Variants in DERA observed in about 807,000 individuals in gnomAD.
The protein encoded by DERA is 2-deoxy-D-ribose 5-phosphate aldolase.
A neutral mutation model predicts 41.1 loss-of-function variants in DERA; 15 were observed. The observed-to-expected ratio is 0.37, with a 90% CI of 0.24 to 0.56. DERA has a LOEUF of 0.56. Among genes scored for constraint, DERA ranks in the 20% least tolerant of loss-of-function variants. The pLI is 0.81. For synonymous variants in DERA, 139 were observed against 137.4 expected (o/e 1.01, Z -0.08); for missense variants, 396 against 403.4 (o/e 0.98, Z 0.16).
intron 5 of DERA, among the ~76,000 whole-genome samples, chr12:15,977,088 C>A (rs4764237): frequency 0.62 from 94,725 of 151,982 alleles, 29,893 homozygotes; most frequent in East Asian, 0.82. Flanking sequence ...TATGTTTCTG[C>A]ATTACCTTGG....
Position 15,936,094 on chromosome 12 carries a change from A to G in DERA, c.32-20842A>G, listed in dbSNP as rs1410836737. On this transcript the variant is annotated intron_variant, in intron 1 of 8. Coordinates refer to ENST00000428559, the MANE Select transcript of DERA (RefSeq NM_015954.4). This position sits in a 1 kb window ranked among gnomAD's most constrained non-coding sequence, Gnocchi z 4.6. ...TCCAAGTAGGAAGGCAAAAGCCACC[A>G]TGTGTTTTCTTACCAAATATTGAAG... is the stretch of plus-strand genomic sequence containing the variant. Among the ~76,000 whole-genome samples, 1 of 152,206 alleles carries G rather than the reference A, an allele frequency of 6.6e-6. No individual in the cohort carries two copies. The highest frequency in any genetic ancestry group is 1.5e-5 in the Non-Finnish European group (1 of 68,036).
At chr12:16,018,809 A>G (rs933840054) in intron 6 of DERA, among the ~76,000 whole-genome samples, 3 of 152,114 alleles carry the variant, frequency 2.0e-5, no homozygotes, top group Non-Finnish European at 4.4e-5. Flanking sequence ...AATACTATAA[A>G]TTTATTATTA....
Position 15,941,183 on chromosome 12 carries a change from C to T in DERA, c.32-15753C>T, listed in dbSNP as rs755168050. Among the ~76,000 whole-genome samples the T allele has an allele frequency of 1.3e-5, 2 of 152,138 alleles. No individual in the cohort carries two copies. The highest frequency in any genetic ancestry group is 2.9e-5 in the Non-Finnish European group (2 of 68,022). On this transcript the variant is annotated intron_variant, in intron 1 of 8. Coordinates refer to ENST00000428559, the MANE Select transcript of DERA (RefSeq NM_015954.4). This position sits in a 1 kb window ranked among gnomAD's most constrained non-coding sequence, Gnocchi z 4.5. ...TGATTTCCCGTACATATTTCATGTT[C>T]ACCTAATCTACAGTAGCGGCTCATT...
intron 6 of DERA, among the ~76,000 whole-genome samples, chr12:16,002,308 A>G (rs954111682): frequency 2.0e-5 from 3 of 151,594 alleles, no homozygotes; most frequent in South Asian, 2.1e-4. Context: ...TTACAAACAT[A>G]GAAAGAAATA....
At chr12:15,968,680 G>C (rs186872928) in intron 5 of DERA, among the ~76,000 whole-genome samples, 1 of 152,328 alleles carries the variant, frequency 6.6e-6, no homozygotes, top group East Asian at 1.9e-4. Context: ...ATGTAAAGTG[G>C]AGATAATGAC....
chr12:16,004,582 A>G lies in DERA; in HGVS notation c.637+22146A>G, dbSNP rs1218305237. ...AGAAAAGGACTAACCACCTTTCTAA[A>G]TGTTTAATAGTAGTCATATTAACTT... is the stretch of plus-strand genomic sequence containing the variant. On this transcript the variant is annotated intron_variant, in intron 6 of 8. Transcript: ENST00000428559. The surrounding 1 kb of genome is among the most constrained non-coding windows in gnomAD (Gnocchi z 4.2). Among the ~76,000 whole-genome samples the G allele has an allele frequency of 6.6e-6, 1 of 152,166 alleles. No individual in the cohort carries two copies. Among genetic ancestry groups the G allele is most frequent in the African/African-American group, 2.4e-5 (1 of 41,448 alleles).
chr12:16,017,324 G>A lies in DERA; in HGVS notation c.638-15218G>A, dbSNP rs910983375. On this transcript the variant is annotated intron_variant, in intron 6 of 8. Coordinates refer to ENST00000428559, the MANE Select transcript of DERA (RefSeq NM_015954.4). The surrounding 1 kb of genome is among the most constrained non-coding windows in gnomAD (Gnocchi z 5.5). ...ATTGCATTGCTAACGTGATGGACTGGACCGACAGAGAATTACTCTGTAGCT... is the reference window on the plus strand; with the variant it reads ...ATTGCATTGCTAACGTGATGGACTGAACCGACAGAGAATTACTCTGTAGCT... 2.6e-5 allele frequency among the ~76,000 whole-genome samples: 4 copies of A among 152,184 alleles called. No homozygotes were observed. The highest frequency in any genetic ancestry group is 4.4e-5 in the Non-Finnish European group (3 of 68,030).
At chr12:15,926,891 A>G (rs1197849500) in intron 1 of DERA, among the ~76,000 whole-genome samples, 1 of 152,220 alleles carries the variant, frequency 6.6e-6, no homozygotes, top group Non-Finnish European at 1.5e-5. Flanking sequence ...ATATGTAACG[A>G]ATTAACTCTC....
chr12:16,029,791 A>G (rs1949078745), intron 6 of DERA, among the ~76,000 whole-genome samples: 1 of 151,540 alleles, frequency 6.6e-6, no homozygotes, highest in Admixed American at 6.6e-5. Context: ...TCTCCCAAAT[A>G]TATTAGAAAG....
At chr12:16,023,411 T>A (rs1455039122) in intron 6 of DERA, among the ~76,000 whole-genome samples, 1 of 151,032 alleles carries the variant, frequency 6.6e-6, no homozygotes, top group Non-Finnish European at 1.5e-5. Flanking sequence ...ACCCAATATA[T>A]CATGCATAGC....
rs1240074807 is a variant in DERA, at chr12:15,931,536, A to G, written c.31+20122A>G. Among the ~76,000 whole-genome samples the G allele has an allele frequency of 6.6e-6, 1 of 152,216 alleles. No individual in the cohort carries two copies. Among genetic ancestry groups the G allele is most frequent in the Non-Finnish European group, 1.5e-5 (1 of 68,044 alleles). On this transcript the variant is annotated intron_variant, in intron 1 of 8. Coordinates refer to ENST00000428559, the MANE Select transcript of DERA (RefSeq NM_015954.4). This position sits in a 1 kb window ranked among gnomAD's most constrained non-coding sequence, Gnocchi z 4.6. ...AAACTGTCATCAGAAGTTTTCCCAG[A>G]GTACATTAAGTTGAAAAACTACATG...
chr12:15,971,421 G>T (rs1245105838), intron 5 of DERA, among the ~76,000 whole-genome samples: 1 of 151,656 alleles, frequency 6.6e-6, no homozygotes, highest in East Asian at 2.0e-4. Flanking sequence ...GGTCCATGCA[G>T]TCTTGGCAAG....
In DERA at chr12:15,982,330, G is replaced by C; in HGVS notation, c.531G>C (p.Gln177His). The C allele has an allele frequency of 1.2e-6, 2 of 1,613,484 alleles. No homozygotes were observed. The highest frequency in any genetic ancestry group is 1.7e-6 in the Non-Finnish European group (2 of 1,179,760). Reference sequence around the variant, plus strand: ...CAGCCCTGTATGATGAGATTCGTCAGTTTCGCAAGGCCTGTGGGGAGGCTC... The same window carrying C: ...CAGCCCTGTATGATGAGATTCGTCACTTTCGCAAGGCCTGTGGGGAGGCTC... ...QWEALYDEIR[Q>H]FRKACGEAHL... The change falls in exon 6 of 9, where the codon CAG (glutamine) becomes CAC (histidine). Residue 177 changes from glutamine (Q) to histidine (H), a missense_variant. Coordinates refer to ENST00000428559, the MANE Select transcript of DERA (RefSeq NM_015954.4). This position sits in a 1 kb window ranked among gnomAD's most constrained non-coding sequence, Gnocchi z 4.0.
At position 15,970,540 on chromosome 12, in the gene DERA, T is replaced by A. The variant is rs10772885; in HGVS notation, c.508+7593T>A. Among the ~76,000 whole-genome samples the A allele has an allele frequency of 0.6, 91,201 of 151,946 alleles. 27,900 individuals are homozygous for A. Among genetic ancestry groups the A allele is most frequent in the East Asian group, 0.8 (4,126 of 5,180 alleles). The stretch of plus-strand genomic sequence containing the variant: ...GAGAGAAGAAAGTTAATTTTATTTA[T>A]TTATTTATAAGTGTTTTTAGCTTTT... On this transcript the variant is annotated intron_variant, in intron 5 of 8. Transcript: ENST00000428559. This position sits in a 1 kb window ranked among gnomAD's most constrained non-coding sequence, Gnocchi z 4.3.
chr12:15,982,376 A>G lies in DERA; in HGVS notation c.577A>G (p.Thr193Ala), dbSNP rs756431158. ...GGCTCATCTTAAAACTATATTAGCG[A>G]CAGGAGAACTTGGAACTCTTACTAA... ...GEAHLKTILATGELGTLTNVY... is the reference protein window; with the variant it reads ...GEAHLKTILAAGELGTLTNVY... Residue 193 changes from threonine to alanine, a missense_variant, in exon 6 of 9, where the codon ACA becomes GCA. By Grantham distance (58) the Thr-to-Ala change is moderately conservative. Coordinates refer to ENST00000428559, the MANE Select transcript of DERA (RefSeq NM_015954.4). The surrounding 1 kb of genome is among the most constrained non-coding windows in gnomAD (Gnocchi z 4.0). 4 of 1,613,906 alleles carry G rather than the reference A, an allele frequency of 2.5e-6. No individual in the cohort carries two copies. The highest frequency in any genetic ancestry group is 3.4e-6 in the Non-Finnish European group (4 of 1,179,844).
At chr12:16,023,753 A>AAAGTGCTGGGT (rs1949034918) in intron 6 of DERA, among the ~76,000 whole-genome samples, 1 of 152,190 alleles carries the variant, frequency 6.6e-6, no homozygotes, top group Non-Finnish European at 1.5e-5. Flanking sequence ...CTGGGATTAC[A>AAAGTGCTGGGT]GGCGTGAGCC....
chr12:15,980,720 T>C (rs1017600617), intron 5 of DERA, among the ~76,000 whole-genome samples: 4 of 152,152 alleles, frequency 2.6e-5, no homozygotes, highest in African/African-American at 9.7e-5. Flanking sequence ...TCTGTGAAAA[T>C]AGTCTGTTCT....
chr12:15,996,014 G>A lies in DERA; in HGVS notation c.637+13578G>A, dbSNP rs1022052954. ...CCACATCAGGAGGTAGGAGACGTTC[G>A]AGGCACAGGCTGAGTGAGCCTGATG... On this transcript the variant is annotated intron_variant, in intron 6 of 8. Coordinates refer to ENST00000428559, the MANE Select transcript of DERA (RefSeq NM_015954.4). This position sits in a 1 kb window ranked among gnomAD's most constrained non-coding sequence, Gnocchi z 4.7. 5.9e-5 allele frequency among the ~76,000 whole-genome samples: 9 copies of A among 152,214 alleles called. No homozygotes were observed. The highest frequency in any genetic ancestry group is 3.4e-3 in the Middle Eastern group (1 of 294).
intron 7 of DERA, among the ~76,000 whole-genome samples, chr12:16,034,624 C>A (rs932872849): frequency 6.6e-6 from 1 of 152,122 alleles, no homozygotes; most frequent in Non-Finnish European, 1.5e-5. Flanking sequence ...AAAGTTTCTA[C>A]GTCATTGATT....
Sources: allele counts gnomAD v4.1 joint callset (sites outside exome capture counted in the v4.1 genomes callset), GRCh38; gene constraint gnomAD v4.1.1; non-coding constraint Gnocchi (gnomAD v3.1); transcripts MANE v1.5; gene names NCBI Gene and HGNC (gene_info 2026-07-23, HGNC 2026-07-21).